Variants in SYN3 observed in about 807,000 individuals in gnomAD.
SYN3 encodes synapsin-3.
A neutral mutation model predicts 65.8 loss-of-function variants in SYN3; 35 were observed. The observed-to-expected ratio is 0.53, with a 90% confidence interval of 0.41 to 0.70. The LOEUF (loss-of-function observed/expected upper bound fraction) is 0.70, where lower values mean the gene tolerates loss of function less well. Among genes scored for constraint, SYN3 ranks in the 30% least tolerant of loss-of-function variants. The probability of loss-of-function intolerance (pLI) is 0.00; values close to 1 mark genes in which losing one functional copy is unlikely to be tolerated. For synonymous variants in SYN3, 270 were observed against 292.9 expected (o/e 0.92, Z 0.80); for missense variants, 680 against 749.0 (o/e 0.91, Z 1.08).
chr22:32,892,125 T>G (rs1307090195), intron 4 of SYN3, among the ~76,000 whole-genome samples: 1 of 151,802 alleles, frequency 6.6e-6, no homozygotes, highest in Non-Finnish European at 1.5e-5. Context: ...AAACCCCATC[T>G]CTAATAAAAT....
At chr22:32,574,481 TA>T (rs973669847) in intron 7 of SYN3, among the ~76,000 whole-genome samples, 1 of 151,916 alleles carries the variant, frequency 6.6e-6, no homozygotes, top group African/African-American at 2.4e-5. Flanking sequence ...TCCATCTCTT[TA>T]AAAAAAATCA....
chr22:32,987,628 A>T (rs2052566802), intron 2 of SYN3, among the ~76,000 whole-genome samples: 1 of 152,200 alleles, frequency 6.6e-6, no homozygotes, highest in Admixed American at 6.5e-5. Flanking sequence ...GCGGAGGCAA[A>T]AAACTGAGAC....
Position 32,789,748 on chromosome 22 carries a change from G to C in SYN3, c.711+75167C>G, listed in dbSNP as rs1010353914. On this transcript the variant is annotated intron_variant, in intron 6 of 13. Coordinates refer to ENST00000358763, the MANE Select transcript of SYN3 (RefSeq NM_003490.4). Reference sequence around the variant, plus strand: ...CAGTATTGGTTACGTTCTTGGAAGAGGAAATTCAATTAGCCCTGTCAATTA... The same window carrying C: ...CAGTATTGGTTACGTTCTTGGAAGACGAAATTCAATTAGCCCTGTCAATTA... Among the ~76,000 whole-genome samples, 10 of 152,208 alleles carry C rather than the reference G, an allele frequency of 6.6e-5. 1 individual carries two copies. The highest frequency in any genetic ancestry group is 4.1e-4 in the South Asian group (2 of 4,836).
At chr22:32,938,179 G>A (rs756395305) in intron 3 of SYN3, among the ~76,000 whole-genome samples, 5 of 152,184 alleles carry the variant, frequency 3.3e-5, no homozygotes, top group Non-Finnish European at 5.9e-5. Context: ...ACAGCTTCTT[G>A]TGAGAAAATA....
rs141193310 is a variant in SYN3 at position 33,017,108 on chromosome 22, T to C, written c.-162-10284A>G. Reference sequence around the variant, plus strand: ...GTATGATGTGAGATAAGGGTCCAACTTCACTCCTCTGCCTACGGATATCCA... The same window carrying C: ...GTATGATGTGAGATAAGGGTCCAACCTCACTCCTCTGCCTACGGATATCCA... On this transcript the variant is annotated intron_variant, in intron 1 of 13. Transcript: ENST00000358763. 6.3e-3 allele frequency among the ~76,000 whole-genome samples: 955 copies of C among 152,328 alleles called. 8 individuals are homozygous for C. Among genetic ancestry groups the C allele is most frequent in the Middle Eastern group, 0.027 (8 of 294 alleles).
intron 1 of SYN3, among the ~76,000 whole-genome samples, chr22:33,009,900 T>G (rs979529489): frequency 6.6e-6 from 1 of 151,990 alleles, no homozygotes; most frequent in African/African-American, 2.4e-5. Flanking sequence ...ATTTATCAAA[T>G]TTTTCATTTA....
intron 6 of SYN3, among the ~76,000 whole-genome samples, chr22:32,648,642 A>C (rs1275651414): frequency 2.6e-5 from 4 of 152,268 alleles, no homozygotes; most frequent in Non-Finnish European, 5.9e-5. Context: ...TATTAGCTAC[A>C]TGACCATGGG....
chr22:32,663,049 T>C (rs2060237262), intron 6 of SYN3, among the ~76,000 whole-genome samples: 1 of 152,194 alleles, frequency 6.6e-6, no homozygotes, highest in East Asian at 1.9e-4. Flanking sequence ...ACTTTTCTTT[T>C]AGTCCTTACT....
At chr22:32,649,345 C>T (rs911411480) in intron 6 of SYN3, among the ~76,000 whole-genome samples, 1 of 152,178 alleles carries the variant, frequency 6.6e-6, no homozygotes, top group African/African-American at 2.4e-5. Context: ...AGCCGCCGAG[C>T]TTTGGGATGG....
At chr22:32,873,219 G>T (rs916654926) in intron 4 of SYN3, among the ~76,000 whole-genome samples, 1 of 152,172 alleles carries the variant, frequency 6.6e-6, no homozygotes, top group Admixed American at 6.5e-5. Flanking sequence ...CCAAAGTGCC[G>T]GGATTACAGA....
chr22:32,585,084 A>C (rs2059003659), intron 7 of SYN3, among the ~76,000 whole-genome samples: 1 of 152,132 alleles, frequency 6.6e-6, no homozygotes, highest in African/African-American at 2.4e-5. Flanking sequence ...GACTCTTGGC[A>C]CCTCTATAAA....
chr22:32,742,799 A>C (rs921709509), intron 6 of SYN3, among the ~76,000 whole-genome samples: 3 of 152,192 alleles, frequency 2.0e-5, no homozygotes, highest in Non-Finnish European at 2.9e-5. Context: ...CCCATTGTGC[A>C]TAGTATGCTT....
intron 6 of SYN3, among the ~76,000 whole-genome samples, chr22:32,719,680 A>G (rs2061088628): frequency 6.6e-6 from 1 of 152,018 alleles, no homozygotes; most frequent in African/African-American, 2.4e-5. Context: ...CCATCTCTCC[A>G]AAAAAACAAA....
At chr22:33,052,386 ATCC>A (rs141808112) in intron 1 of SYN3, among the ~76,000 whole-genome samples, 3 of 151,768 alleles carry the variant, frequency 2.0e-5, no homozygotes, top group African/African-American at 4.9e-5. Flanking sequence ...TCTCTAAAGA[ATCC>A]TCCTCCTCCT....
chr22:32,876,580 T>C (rs879170717), intron 4 of SYN3, among the ~76,000 whole-genome samples: 2 of 147,640 alleles, frequency 1.4e-5, no homozygotes, highest in Admixed American at 1.4e-4. Flanking sequence ...TACTTTTTGG[T>C]ACTGCCTGCA....
intron 6 of SYN3, among the ~76,000 whole-genome samples, chr22:32,677,144 G>A (rs893700837): frequency 1.5e-4 from 23 of 152,162 alleles, no homozygotes; most frequent in Non-Finnish European, 3.1e-4. Flanking sequence ...TTCCTATCCT[G>A]GAGGAGCTTA....
intron 12 of SYN3, among the ~76,000 whole-genome samples, chr22:32,521,290 C>T (rs2057876241): frequency 6.6e-6 from 1 of 152,136 alleles, no homozygotes; most frequent in Non-Finnish European, 1.5e-5. Context: ...GAGGCAAACG[C>T]AGGAGCCCCT....
At chr22:32,815,153 C>T (rs1490925271) in intron 6 of SYN3, among the ~76,000 whole-genome samples, 1 of 152,206 alleles carries the variant, frequency 6.6e-6, no homozygotes, top group Non-Finnish European at 1.5e-5. Context: ...GGCATCTTCC[C>T]CTCCCCATTT....
intron 7 of SYN3, among the ~76,000 whole-genome samples, chr22:32,564,405 C>T (rs1245815574): frequency 6.6e-6 from 1 of 152,226 alleles, no homozygotes; most frequent in Non-Finnish European, 1.5e-5. Context: ...GGCTGCTTCT[C>T]TGTAACCATG....
Sources: allele counts gnomAD v4.1 joint callset (sites outside exome capture counted in the v4.1 genomes callset), GRCh38; gene constraint gnomAD v4.1.1; transcripts MANE v1.5; gene names NCBI Gene and HGNC (gene_info 2026-07-23, HGNC 2026-07-21).